The following MYH7B variants were observed in gnomAD, a reference collection of about 807,000 sequenced individuals.
MYH7B encodes the protein myosin-7B.
A neutral mutation model predicts 234.5 loss-of-function variants in MYH7B; 205 were observed. That is an observed-to-expected ratio of 0.87 (90% CI 0.78 to 0.98). The LOEUF is 0.98. Ranked by LOEUF, MYH7B falls within the 50% of genes least tolerant of loss-of-function variation. The probability of loss-of-function intolerance (pLI) is 0.00; values close to 1 mark genes in which losing one functional copy is unlikely to be tolerated. For synonymous variants in MYH7B, 1,193 were observed against 1,105.0 expected (o/e 1.08, Z -1.58); for missense variants, 2,652 against 2,633.4 (o/e 1.01, Z -0.15).
At chr20:34,970,188 A>T (rs1486609998) in intron 2 of MYH7B, among the ~76,000 whole-genome samples, 1 of 152,166 alleles carries the variant, frequency 6.6e-6, no homozygotes, top group Non-Finnish European at 1.5e-5. Context: ...GGGCCAAGGT[A>T]AGCCATGTAC....
intron 16 of MYH7B, 120 bp downstream of exon 16, chr20:34,987,407 G>C (rs1007716268): frequency 8.2e-6 from 12 of 1,464,836 alleles, no homozygotes; most frequent in Admixed American, 1.8e-5. Flanking sequence ...TGCCTCCTCA[G>C]CTCCAAACCC....
chr20:34,993,254 C>T, intron 25 of MYH7B, 29 bp downstream of exon 25: 1 of 1,614,050 alleles, frequency 6.2e-7, no homozygotes, highest in Non-Finnish European at 8.5e-7. Context: ...CAGGGCTGGC[C>T]ATGGCTGTGG....
chr20:34,994,120 T>A, intron 26 of MYH7B, 26 bp from the exon 27 acceptor site: 2 of 1,605,874 alleles, frequency 1.2e-6, no homozygotes, highest in East Asian at 2.2e-5. Flanking sequence ...CTGAGCCACC[T>A]TCACAGCTTG....
At chr20:35,001,562 A>C (rs1324584871) in intron 43 of MYH7B, 36 bp downstream of exon 43, 2 of 1,550,606 alleles carry the variant, frequency 1.3e-6, no homozygotes, top group Admixed American at 1.9e-5. Context: ...TGGACCGGGC[A>C]CCCCAGCTCT....
chr20:34,992,380 C>G (rs527481434), intron 24 of MYH7B, among the ~76,000 whole-genome samples: 1 of 95,906 alleles, frequency 1.0e-5, no homozygotes, highest in Non-Finnish European at 2.2e-5. Context: ...AGCGAGACTC[C>G]GTCTCAAAAA....
At chr20:34,994,197 G>A (rs1435547480) in exon 27 of MYH7B, 1 of 1,613,358 alleles carries the variant, frequency 6.2e-7, no homozygotes, top group African/African-American at 1.3e-5. Flanking sequence ...ATGCCGTCAA[G>A]AACTGGTCAT....
intron 22 of MYH7B, 191 bp downstream of exon 22, chr20:34,990,501 TG>T: frequency 1.1e-6 from 1 of 882,478 alleles, no homozygotes. Context: ...GCAGGGTTTG[TG>T]GGGAAGGGGT....
Position 34,995,689 on chromosome 20 carries a change from G to C in MYH7B, c.2943+111G>C, listed in dbSNP as rs1035359823. ...GCTAAGCCTCTGCTTTCTGGCCCTGGGCATGTCACTGCCTTTCCTGGGCCT... is the reference window on the plus strand; with the variant it reads ...GCTAAGCCTCTGCTTTCTGGCCCTGCGCATGTCACTGCCTTTCCTGGGCCT... On this transcript the variant is annotated intron_variant, in intron 28 of 44. Transcript: ENST00000262873. The C allele has an allele frequency of 5.4e-6, 8 of 1,481,772 alleles. No homozygotes were observed. In the Admixed American group the frequency reaches 6.5e-5, roughly 12 times the overall value. The allele number at this position is 1,481,772 out of a possible 1,614,324, so 91.8% of individuals were successfully genotyped here.
intron 10 of MYH7B, among the ~76,000 whole-genome samples, 189 bp from the exon 11 acceptor site, chr20:34,984,503 T>C (rs1158793213): frequency 2.0e-5 from 3 of 152,114 alleles, no homozygotes; most frequent in Non-Finnish European, 4.4e-5. Context: ...ACTCCCACTT[T>C]CCAGCATTTT....
exon 44 of MYH7B, chr20:35,002,009 C>G: frequency 3.1e-6 from 5 of 1,614,010 alleles, no homozygotes; most frequent in Non-Finnish European, 3.4e-6. Context: ...CTGGATGATG[C>G]GGAGGAGCGG....
intron 8 of MYH7B, 117 bp from the exon 9 acceptor site, chr20:34,980,916 C>T: frequency 6.6e-7 from 1 of 1,521,386 alleles, no homozygotes; most frequent in Non-Finnish European, 9.1e-7. Flanking sequence ...CCCACCTGCT[C>T]CTTCCCATTC....
chr20:34,991,681 C>T (rs563721557), intron 24 of MYH7B, among the ~76,000 whole-genome samples: 9 of 152,148 alleles, frequency 5.9e-5, no homozygotes, highest in Non-Finnish European at 1.3e-4. Flanking sequence ...TGGCACATAG[C>T]AAGCACCTGG....
rs548871919 is a variant in MYH7B at position 34,987,331 on chromosome 20, C to A, written c.1147+44C>A. 5.3e-5 allele frequency: 85 copies of A among 1,602,032 alleles called. No homozygotes were observed. In the South Asian group the frequency reaches 9.4e-4, roughly 18 times the overall value. On this transcript the variant is annotated intron_variant, in intron 16 of 44. Transcript: ENST00000262873. Reference sequence around the variant, plus strand: ...GCCTTCAACTTGACCCAGACCTCAGCATCCTGTCCATGATGGTTAACCCCA... The same window carrying A: ...GCCTTCAACTTGACCCAGACCTCAGAATCCTGTCCATGATGGTTAACCCCA...
chr20:34,984,583 C>T (rs906899658), intron 10 of MYH7B, 109 bp from the exon 11 acceptor site: 3 of 961,524 alleles, frequency 3.1e-6, no homozygotes, highest in African/African-American at 3.3e-5. Context: ...CGGTGACTAA[C>T]TCCACCCCCC....
chr20:34,994,027 G>A, intron 26 of MYH7B, 119 bp from the exon 27 acceptor site: 1 of 1,322,696 alleles, frequency 7.6e-7, no homozygotes, highest in Non-Finnish European at 1.1e-6. Context: ...ATAAAGCAGA[G>A]CTATTAGGAG....
chr20:34,987,512 C>A (rs200565022), intron 16 of MYH7B, 45 bp from the exon 17 acceptor site: 1 of 1,512,230 alleles, frequency 6.6e-7, no homozygotes, highest in South Asian at 1.2e-5. Context: ...CCCCTGAGTG[C>A]GCATGGTGGT....
chr20:34,956,246 T>C (rs545982131), intron 1 of MYH7B, among the ~76,000 whole-genome samples: 1 of 152,240 alleles, frequency 6.6e-6, no homozygotes, highest in South Asian at 2.1e-4. Context: ...CCCCTGATTT[T>C]ATCTATTTTT....
chr20:34,991,144 C>G, intron 24 of MYH7B, 23 bp downstream of exon 24: 1 of 1,545,006 alleles, frequency 6.5e-7, no homozygotes, highest in Non-Finnish European at 8.9e-7. Context: ...TTCCCCCTGC[C>G]TGCTGCTCCA....
chr20:34,995,479 C>G, exon 28 of MYH7B: 2 of 1,614,132 alleles, frequency 1.2e-6, no homozygotes, highest in South Asian at 2.2e-5. Flanking sequence ...CCCGCCGGCG[C>G]AAGCTGGAGG....
Sources: gnomAD v4.1 joint callset for allele counts (sites outside exome capture counted in the v4.1 genomes callset) on GRCh38, gnomAD v4.1.1 for gene constraint, MANE v1.5 for transcripts, NCBI Gene and HGNC (gene_info 2026-07-23, HGNC 2026-07-21) for gene names.